Variants in AMBRA1 observed in about 807,000 individuals in gnomAD.
AMBRA1 encodes the protein autophagy and beclin 1 regulator 1, also known as activating molecule in BECN1-regulated autophagy protein 1.
AMBRA1 carries 47 observed loss-of-function variants against 125.4 expected under a neutral mutation model. The ratio of observed to expected loss-of-function variants is 0.37; its 90% confidence interval spans 0.30 to 0.48. The LOEUF (loss-of-function observed/expected upper bound fraction) is 0.48. Ranked by LOEUF, AMBRA1 falls within the 20% of genes least tolerant of loss-of-function variation. AMBRA1 has a pLI of 0.99. For synonymous variants in AMBRA1, 626 were observed against 655.5 expected, an observed-to-expected ratio of 0.95 and a Z score of 0.69; for missense variants, 1,331 against 1,693.4, an observed-to-expected ratio of 0.79 and a Z score of 3.76.
chr11:46,423,688 G>A (rs1946968574), intron 14 of AMBRA1, among the ~76,000 whole-genome samples: 1 of 151,766 alleles, frequency 6.6e-6, no homozygotes, highest in African/African-American at 2.4e-5. Flanking sequence ...ACCGTGCCCG[G>A]CCAATTTTTA....
chr11:46,514,678 T>A (rs1057156946), intron 7 of AMBRA1, among the ~76,000 whole-genome samples: 12 of 152,184 alleles, frequency 7.9e-5, no homozygotes, highest in Middle Eastern at 6.8e-3. Flanking sequence ...TCTGGCTATG[T>A]TGCCCAGGCT....
intron 1 of AMBRA1, among the ~76,000 whole-genome samples, chr11:46,565,032 A>G (rs945692827): frequency 1.3e-4 from 20 of 152,148 alleles, no homozygotes; most frequent in African/African-American, 4.8e-4. Flanking sequence ...CAAGGCTTGA[A>G]GATCACTTGA....
intron 7 of AMBRA1, among the ~76,000 whole-genome samples, chr11:46,520,598 C>CTT (rs148775052): frequency 1.0e-4 from 14 of 140,408 alleles, no homozygotes; most frequent in African/African-American, 1.3e-4. Context: ...TTTTTCTTTT[C>CTT]TTTTTTTTTT....
intron 6 of AMBRA1, 51 bp downstream of exon 6, chr11:46,543,924 A>T: frequency 7.0e-7 from 1 of 1,424,914 alleles, no homozygotes; most frequent in East Asian, 2.3e-5. Context: ...AATACTAGTT[A>T]AGAAAAGAAC....
At chr11:46,437,300 G>A (rs1455307987) in intron 12 of AMBRA1, among the ~76,000 whole-genome samples, 1 of 152,158 alleles carries the variant, frequency 6.6e-6, no homozygotes, top group Admixed American at 6.5e-5. Flanking sequence ...ACGATTCCAA[G>A]TCAATAGCTA....
chr11:46,496,360 C>T (rs752645922), intron 9 of AMBRA1, among the ~76,000 whole-genome samples: 4 of 151,796 alleles, frequency 2.6e-5, no homozygotes, highest in Admixed American at 1.3e-4. Context: ...CCAGCCTGGG[C>T]GACAAGAGTA....
In AMBRA1 at chr11:46,575,680, C is replaced by T. The variant is rs573703626; in HGVS notation, c.-121+18148G>A. The stretch of plus-strand genomic sequence containing the variant: ...TACAAGTGCACGCCACCACGCCCAA[C>T]TAATTTTTGTATTTTTAGTAGAGAT... On this transcript the variant is annotated intron_variant, in intron 1 of 17. Transcript: ENST00000683756. 4.6e-5 allele frequency among the ~76,000 whole-genome samples: 7 copies of T among 152,086 alleles called. No homozygotes were observed. In the East Asian group the frequency reaches 1.2e-3, roughly 25 times the overall value.
At chr11:46,501,691 G>T (rs1183778877) in intron 9 of AMBRA1, among the ~76,000 whole-genome samples, 1 of 152,240 alleles carries the variant, frequency 6.6e-6, no homozygotes, top group East Asian at 1.9e-4. Context: ...GTCACTCACT[G>T]ATTCACCAAA....
chr11:46,585,896 C>G (rs1295733499), intron 1 of AMBRA1, among the ~76,000 whole-genome samples: 1 of 149,382 alleles, frequency 6.7e-6, no homozygotes, highest in Non-Finnish European at 1.5e-5. Flanking sequence ...ACCTCCGCCT[C>G]CGGGGTTCAA....
chr11:46,462,781 T>A (rs961710905), intron 11 of AMBRA1, among the ~76,000 whole-genome samples: 1 of 151,868 alleles, frequency 6.6e-6, no homozygotes, highest in Non-Finnish European at 1.5e-5. Context: ...AGACAGGGTA[T>A]CACTCTGTCA....
chr11:46,528,828 G>T (rs531960970), intron 7 of AMBRA1, among the ~76,000 whole-genome samples: 19 of 152,256 alleles, frequency 1.2e-4, no homozygotes, highest in Non-Finnish European at 2.4e-4. Context: ...ACAAAGAAAA[G>T]ATAAACGCCA....
At chr11:46,495,933 G>C (rs1454495464) in intron 9 of AMBRA1, among the ~76,000 whole-genome samples, 2 of 152,196 alleles carry the variant, frequency 1.3e-5, no homozygotes, top group Admixed American at 6.5e-5. Context: ...GCGGGGGAAA[G>C]GGTGGAGGCC....
intron 17 of AMBRA1, 26 bp from the exon 18 acceptor site, chr11:46,397,969 A>C (rs780399106): frequency 2.2e-5 from 34 of 1,559,040 alleles, no homozygotes; most frequent in Non-Finnish European, 2.9e-5. Context: ...CAGAAGAGAG[A>C]GCGAATTGGC....
intron 8 of AMBRA1, among the ~76,000 whole-genome samples, chr11:46,512,467 C>T (rs118047697): frequency 0.012 from 1,810 of 152,304 alleles, 19 homozygotes; most frequent in Middle Eastern, 0.017. Flanking sequence ...CCTGTGGCCT[C>T]TCCAGGTTCC....
intron 1 of AMBRA1, among the ~76,000 whole-genome samples, chr11:46,559,193 G>C (rs557445999): frequency 6.6e-6 from 1 of 151,922 alleles, no homozygotes; most frequent in African/African-American, 2.4e-5. Flanking sequence ...CCAGCTACTC[G>C]GGAGACTGAG....
At chr11:46,422,356 G>C (rs1946885405) in intron 14 of AMBRA1, among the ~76,000 whole-genome samples, 1 of 152,166 alleles carries the variant, frequency 6.6e-6, no homozygotes, top group Non-Finnish European at 1.5e-5. Context: ...AGTTAGTGCA[G>C]TCTCAGCATG....
chr11:46,414,106 T>C (rs1217893122), intron 15 of AMBRA1, among the ~76,000 whole-genome samples: 2 of 152,150 alleles, frequency 1.3e-5, no homozygotes, highest in East Asian at 3.9e-4. Flanking sequence ...AGACCTGAGC[T>C]CCCTCAGTGT....
At chr11:46,417,861 C>T (rs1590748669) in intron 15 of AMBRA1, 52 bp downstream of exon 15, 4 of 1,543,878 alleles carry the variant, frequency 2.6e-6, no homozygotes, top group Admixed American at 1.7e-5. Context: ...TACTGATTAC[C>T]CCAGTCCTCG....
chr11:46,545,712 G>A lies in AMBRA1; in HGVS notation c.443C>T (p.Thr148Met), dbSNP rs772916345. 7.6e-5 allele frequency: 123 copies of A among 1,614,078 alleles called. No homozygotes were observed. The highest frequency in any genetic ancestry group is 9.9e-5 in the Non-Finnish European group (117 of 1,180,024). The change falls in exon 5 of 18, where the codon ACG becomes ATG. Residue 148 changes from threonine (T) to methionine (M), a missense_variant. Coordinates refer to ENST00000683756, the MANE Select transcript of AMBRA1 (RefSeq NM_001387011.1). ...AGTGGCAATCAGCAGGAGCTGAGCC[G>A]TAGGGTGGAAAGCCAGGGAGGCAAT... ...NAIASLAFHP[T>M]AQLLLIATAN...
Sources: gnomAD v4.1 joint callset for allele counts (sites outside exome capture counted in the v4.1 genomes callset) on GRCh38, gnomAD v4.1.1 for gene constraint, MANE v1.5 for transcripts, NCBI Gene and HGNC (gene_info 2026-07-23, HGNC 2026-07-21) for gene names.